Variants in TNNT1 observed in about 807,000 individuals in gnomAD.
TNNT1 encodes troponin T1, slow skeletal type.
TNNT1 carries 53 observed loss-of-function variants against 50.6 expected under a neutral mutation model. The ratio of observed to expected loss-of-function variants is 1.05; its 90% CI spans 0.84 to 1.32. TNNT1 has a LOEUF of 1.32. TNNT1 is among the 40% of genes most tolerant of loss of function. TNNT1 has a pLI of 0.00. For synonymous variants in TNNT1, 142 were observed against 138.0 expected (o/e 1.03, Z -0.20); for missense variants, 348 against 381.7 (o/e 0.91, Z 0.74).
At chr19:55,146,860 G>T in intron 3 of TNNT1, 148 bp downstream of exon 3, 1 of 1,242,530 alleles carries the variant, frequency 8.0e-7, no homozygotes, top group Non-Finnish European at 1.1e-6. Context: ...GGGATGGCGC[G>T]AGGAGACGCT....
chr19:55,142,020 G>A (rs746302210), intron 6 of TNNT1, 100 bp from the exon 7 acceptor site: 16 of 1,229,590 alleles, frequency 1.3e-5, no homozygotes, highest in Middle Eastern at 4.7e-4. Context: ...GCCAGCCCCG[G>A]GAGGCTCCTG....
intron 11 of TNNT1, 90 bp from the exon 12 acceptor site, chr19:55,134,294 C>G (rs534555332): frequency 3.0e-6 from 4 of 1,315,006 alleles, no homozygotes; most frequent in Non-Finnish European, 4.2e-6. Context: ...TCAGCGTTGT[C>G]GGCACCATTT....
intron 3 of TNNT1, 140 bp downstream of exon 3, chr19:55,146,868 G>C: frequency 7.9e-6 from 10 of 1,272,540 alleles, no homozygotes; most frequent in Non-Finnish European, 1.1e-5. Context: ...GCGAGGAGAC[G>C]CTCCAGACCC....
At chr19:55,135,878 C>A (rs894298519) in intron 11 of TNNT1, among the ~76,000 whole-genome samples, 5 of 152,198 alleles carry the variant, frequency 3.3e-5, no homozygotes, top group Non-Finnish European at 5.9e-5. Context: ...CAGCGCCCCC[C>A]AGAGGGCTTC....
chr19:55,136,990 T>C (rs1442252660), intron 11 of TNNT1, 113 bp downstream of exon 11: 3 of 686,298 alleles, frequency 4.4e-6, no homozygotes, highest in Non-Finnish European at 7.7e-6. Context: ...CAAAGTCACA[T>C]AGCACTGGAG....
intron 1 of TNNT1, chr19:55,147,462 C>T (rs1374534539): frequency 1.9e-5 from 8 of 421,602 alleles, no homozygotes; most frequent in South Asian, 5.1e-5. Flanking sequence ...GGCCTGGACT[C>T]CTGGGTCTGA....
chr19:55,146,034 G>A (rs1243104251), intron 5 of TNNT1, among the ~76,000 whole-genome samples: 1 of 138,444 alleles, frequency 7.2e-6, no homozygotes, highest in Admixed American at 7.6e-5. Flanking sequence ...GACTCCCAGC[G>A]CTCGCCTCCT....
chr19:55,144,575 G>A (rs561795019), intron 6 of TNNT1, among the ~76,000 whole-genome samples: 1 of 152,230 alleles, frequency 6.6e-6, no homozygotes, highest in South Asian at 2.1e-4. Flanking sequence ...AGAGATGTGG[G>A]GGATCTCATT....
In TNNT1 at chr19:55,145,585, A is replaced by C. The variant is rs1436809507; in HGVS notation, c.107-20T>G. 3.6e-5 allele frequency: 58 copies of C among 1,613,394 alleles called. No homozygotes were observed. Among genetic ancestry groups the C allele is most frequent in the Non-Finnish European group, 4.8e-5 (57 of 1,179,684 alleles). On this transcript the variant is annotated intron_variant, in intron 5 of 13. Transcript: ENST00000588981. ...CCTCTTCTGTTGGTGGTGGGGGATA[A>C]AAAGAGATAATTAGCAAGAGTTTAG...
chr19:55,145,693 T>A, intron 5 of TNNT1, 128 bp from the exon 6 acceptor site: 3 of 928,522 alleles, frequency 3.2e-6, no homozygotes, highest in Non-Finnish European at 5.2e-6. Flanking sequence ...GACTCTGGAG[T>A]CCAGTTCTGG....
chr19:55,146,614 C>CCCCCCCGGG, intron 4 of TNNT1, 67 bp downstream of exon 4: 3 of 1,181,846 alleles, frequency 2.5e-6, no homozygotes, highest in Non-Finnish European at 3.5e-6. Flanking sequence ...CCCGCCCCCT[C>CCCCCCCGGG]CTCCCGGGCC....
rs755856894 is a variant in TNNT1 at position 55,140,951 on chromosome 19, G to A, written c.319C>T (p.Arg107Trp). The change falls in exon 9 of 14, where the codon CGG (arginine) becomes TGG (tryptophan). Residue 107 changes from arginine to tryptophan, a missense_variant. Coordinates refer to ENST00000588981, the MANE Select transcript of TNNT1 (RefSeq NM_003283.6). ...VALKERIERRRSERAEQQRFR... is the reference protein window; with the variant it reads ...VALKERIERRWSERAEQQRFR... ...CGCTGTTGCTCGGCTCTCTCTGACC[G>A]GCGCCGCTCCTGGGAAACGGAGAAG... The A allele has an allele frequency of 1.2e-6, 2 of 1,613,920 alleles. No homozygotes were observed. The highest frequency in any genetic ancestry group is 1.1e-5 in the South Asian group (1 of 91,072).
At position 55,134,368 on chromosome 19, in the gene TNNT1, C is replaced by A. The variant is rs372938834; in HGVS notation, c.612-164G>T. On this transcript the variant is annotated intron_variant, in intron 11 of 13. Transcript: ENST00000588981. ...CACTTTCTCCACATCCGAGCTGGAG[C>A]TCTCGCATTTCCCAAGGGGAGAGAA... Among the ~76,000 whole-genome samples the A allele has an allele frequency of 3.3e-5, 5 of 152,188 alleles. No homozygotes were observed. In the East Asian group the frequency reaches 7.8e-4, roughly 24 times the overall value.
intron 6 of TNNT1, among the ~76,000 whole-genome samples, chr19:55,142,364 G>A (rs1021870354): frequency 6.6e-5 from 10 of 151,736 alleles, no homozygotes; most frequent in South Asian, 4.2e-4. Flanking sequence ...CTCGTGATCC[G>A]CCCGCCTCGG....
At chr19:55,134,042 C>T in intron 12 of TNNT1, 24 bp downstream of exon 12, 1 of 1,612,816 alleles carries the variant, frequency 6.2e-7, no homozygotes, top group Non-Finnish European at 8.5e-7. Flanking sequence ...TCTCTCCCTC[C>T]CTCCCTGCGG....
chr19:55,146,901 AGGGC>A, intron 3 of TNNT1, 103 bp downstream of exon 3: 6 of 1,410,072 alleles, frequency 4.3e-6, no homozygotes, highest in Middle Eastern at 2.6e-4. Context: ...CGAGGGCCCG[AGGGC>A]TGAGCCGCCC....
chr19:55,149,017 C>G, intron 1 of TNNT1, 144 bp downstream of exon 1: 1 of 387,472 alleles, frequency 2.6e-6, no homozygotes, highest in Non-Finnish European at 5.3e-6. Context: ...AAGTCTGAGC[C>G]TCTCAAGTTC....
chr19:55,134,200 G>T lies in TNNT1; in HGVS notation c.616C>A (p.Arg206=). Residue 206 remains arginine (R), a synonymous_variant, in exon 12 of 14, where the codon CGG becomes AGG. Coordinates refer to ENST00000588981, the MANE Select transcript of TNNT1 (RefSeq NM_003283.6). ...TGTGATGGAGGCAGCCAGGCAGACC[G>T]GGCCCTAGGCCCAGGGACGGAGAGG... The part of the protein sequence containing the change: ...DYMGEEQLRA[R]SAWLPPSQPS... 1 of 1,571,524 alleles carries T rather than the reference G, an allele frequency of 6.4e-7. No individual in the cohort carries two copies. The highest frequency in any genetic ancestry group is 1.3e-5 in the African/African-American group (1 of 74,416).
At chr19:55,140,788 A>ATAG in intron 9 of TNNT1, 95 bp downstream of exon 9, 1 of 801,708 alleles carries the variant, frequency 1.2e-6, no homozygotes, top group Non-Finnish European at 1.7e-6. Context: ...AAGAATAATA[A>ATAG]TAATAGTAAT....
Sources: allele counts gnomAD v4.1 joint callset (sites outside exome capture counted in the v4.1 genomes callset), GRCh38; gene constraint gnomAD v4.1.1; transcripts MANE v1.5; gene names NCBI Gene and HGNC (gene_info 2026-07-23, HGNC 2026-07-21).